The following DGKB variants were observed in gnomAD, a reference collection of about 807,000 sequenced individuals.
DGKB encodes 90 kDa diacylglycerol kinase.
DGKB carries 67 observed loss-of-function variants against 114.3 expected under a neutral mutation model. The observed-to-expected ratio is 0.59, with a 90% confidence interval of 0.48 to 0.72. DGKB has a LOEUF of 0.72. Among genes scored for constraint, DGKB ranks in the 30% least tolerant of loss-of-function variants. The pLI, the probability that DGKB is intolerant of heterozygous loss-of-function variation, is 0.00. For synonymous variants in DGKB, 398 were observed against 323.1 expected (o/e 1.23, Z -2.49); for missense variants, 907 against 975.2 (o/e 0.93, Z 0.93).
chr7:14,282,849 G>A (rs889144069), intron 23 of DGKB, among the ~76,000 whole-genome samples: 1 of 152,126 alleles, frequency 6.6e-6, no homozygotes, highest in African/African-American at 2.4e-5. Flanking sequence ...ATTAGGTATT[G>A]ATGGGACATA....
chr7:14,889,957 G>A (rs1007872495), intron 1 of DGKB, among the ~76,000 whole-genome samples: 1 of 151,390 alleles, frequency 6.6e-6, no homozygotes, highest in Non-Finnish European at 1.5e-5. Context: ...AACCCCTTTG[G>A]GTGATGTATA....
intron 1 of DGKB, among the ~76,000 whole-genome samples, chr7:14,920,783 G>A (rs930260176): frequency 6.6e-6 from 1 of 152,022 alleles, no homozygotes; most frequent in Non-Finnish European, 1.5e-5. Context: ...AGTAAACTAG[G>A]GTACGTCTCT....
intron 20 of DGKB, among the ~76,000 whole-genome samples, chr7:14,534,143 A>C (rs1161056383): frequency 1.4e-4 from 22 of 152,184 alleles, no homozygotes; most frequent in Non-Finnish European, 5.9e-5. Flanking sequence ...TAATAAGTAA[A>C]CTCTGATAAC....
At chr7:14,590,866 G>A (rs1018964325) in intron 17 of DGKB, among the ~76,000 whole-genome samples, 1 of 152,022 alleles carries the variant, frequency 6.6e-6, no homozygotes, top group African/African-American at 2.4e-5. Flanking sequence ...GTATAGGTAT[G>A]TTTTAGGTCA....
At chr7:14,308,402 C>A (rs1160607321) in intron 23 of DGKB, among the ~76,000 whole-genome samples, 1 of 151,974 alleles carries the variant, frequency 6.6e-6, no homozygotes, top group East Asian at 1.9e-4. Context: ...AACACATACA[C>A]CTCTAATAGG....
At chr7:14,169,924 T>C (rs1234721913) in intron 25 of DGKB, among the ~76,000 whole-genome samples, 3 of 151,660 alleles carry the variant, frequency 2.0e-5, no homozygotes, top group Admixed American at 6.6e-5. Flanking sequence ...CACCTGAGGT[T>C]GGGAGTTCAA....
At chr7:14,811,706 T>C (rs1487036912) in intron 2 of DGKB, among the ~76,000 whole-genome samples, 1 of 152,068 alleles carries the variant, frequency 6.6e-6, no homozygotes, top group Non-Finnish European at 1.5e-5. Context: ...GAGCTGATCA[T>C]ATTTATCCTG....
intron 2 of DGKB, among the ~76,000 whole-genome samples, chr7:14,812,421 T>C (rs1305294431): frequency 6.6e-6 from 1 of 152,072 alleles, no homozygotes; most frequent in African/African-American, 2.4e-5. Flanking sequence ...GTCTTGATAG[T>C]ATTTATAGTC....
At chr7:14,183,672 C>T (rs1212400547) in intron 23 of DGKB, among the ~76,000 whole-genome samples, 4 of 152,122 alleles carry the variant, frequency 2.6e-5, no homozygotes, top group African/African-American at 4.8e-5. Context: ...GTCACTTGTT[C>T]AAGTCTTTAC....
At chr7:14,284,574 T>C (rs12699599) in intron 23 of DGKB, among the ~76,000 whole-genome samples, 116,491 of 133,372 alleles carry the variant, frequency 0.87, 51,151 homozygotes, top group African/African-American at 0.96. Context: ...ATGTTTATTG[T>C]GGCATTATTC....
chr7:14,460,326 C>A (rs1249635583), intron 21 of DGKB, among the ~76,000 whole-genome samples: 2 of 151,610 alleles, frequency 1.3e-5, no homozygotes, highest in East Asian at 1.9e-4. Flanking sequence ...GAGTCAAGAC[C>A]CATTGGTGTG....
chr7:14,870,128 C>G (rs1004209349), intron 1 of DGKB, among the ~76,000 whole-genome samples: 5 of 152,142 alleles, frequency 3.3e-5, no homozygotes, highest in African/African-American at 1.2e-4. Context: ...TATGAAAAAC[C>G]TTTCTAAACC....
rs1819048205 is a variant in DGKB at position 14,672,032 on chromosome 7, T to C, written c.1134+897A>G. On this transcript the variant is annotated intron_variant, in intron 13 of 25. Transcript: ENST00000402815. ...TTTGTAGTTTGAGAAAATGAAGCAT[T>C]TTTAATAATTTTGTGAAATAAAGGC... Among the ~76,000 whole-genome samples, 5 of 152,034 alleles carry C rather than the reference T, an allele frequency of 3.3e-5. No individual in the cohort carries two copies. In the South Asian group the frequency reaches 1.0e-3, roughly 32 times the overall value.
chr7:14,435,101 T>G (rs929888363), intron 21 of DGKB, among the ~76,000 whole-genome samples: 1 of 152,268 alleles, frequency 6.6e-6, no homozygotes, highest in African/African-American at 2.4e-5. Flanking sequence ...ATATTAACAC[T>G]CTGTTAATTC....
Position 14,689,199 on chromosome 7 carries a change from A to ATTTTTTTTTTTTTTTTTTTTTTTT in DGKB, c.712-3861_712-3838dup, listed in dbSNP as rs551618345. 2.9e-4 allele frequency among the ~76,000 whole-genome samples: 22 copies of ATTTTTTTTTTTTTTTTTTTTTTTT among 76,570 alleles called. 1 individual carries two copies. Among genetic ancestry groups the ATTTTTTTTTTTTTTTTTTTTTTTT allele is most frequent in the Non-Finnish European group, 4.5e-4 (17 of 37,970 alleles). The allele number at this position is 76,570 out of a possible 152,430, so 50.2% of individuals were successfully genotyped here. A position where few individuals can be genotyped will look rare whatever the true frequency, so the allele number is the denominator to read the frequency against. The stretch of plus-strand genomic sequence containing the variant: ...TGACAATGTGACAGAAACTCCTCTT[A>ATTTTTTTTTTTTTTTTTTTTTTTT]TTTTTTTTTTTTTTTTTTTTTTTTT... On this transcript the variant is annotated intron_variant, in intron 9 of 25. Coordinates refer to ENST00000402815, the MANE Select transcript of DGKB (RefSeq NM_001350709.2).
At chr7:14,841,967 G>C (rs10261691) in intron 1 of DGKB, among the ~76,000 whole-genome samples, 75 of 152,336 alleles carry the variant, frequency 4.9e-4, no homozygotes, top group African/African-American at 1.7e-3. Context: ...CCAAATGTCT[G>C]AAAGACTTGT....
intron 23 of DGKB, among the ~76,000 whole-genome samples, chr7:14,197,997 G>A (rs748049917): frequency 7.9e-5 from 12 of 152,228 alleles, no homozygotes; most frequent in African/African-American, 2.4e-4. Context: ...GACTTAAAGT[G>A]TGTGGGGAAA....
At chr7:14,769,239 A>AAAGAAAGCAAGC (rs746623534) in intron 2 of DGKB, among the ~76,000 whole-genome samples, 12 of 125,262 alleles carry the variant, frequency 9.6e-5, no homozygotes, top group Non-Finnish European at 1.7e-4. Context: ...AGAAAGAAAG[A>AAAGAAAGCAAGC]AAGAAAGAAA....
At chr7:14,400,361 T>TCTGCTGTTTCTAC (rs1822914860) in intron 21 of DGKB, among the ~76,000 whole-genome samples, 1 of 151,956 alleles carries the variant, frequency 6.6e-6, no homozygotes, top group African/African-American at 2.4e-5. Context: ...TCAGGTCTCT[T>TCTGCTGTTTCTAC]CTGCTGTTTC....
Sources: allele counts gnomAD v4.1 joint callset (sites outside exome capture counted in the v4.1 genomes callset), GRCh38; gene constraint gnomAD v4.1.1; transcripts MANE v1.5; gene names NCBI Gene and HGNC (gene_info 2026-07-23, HGNC 2026-07-21).